The following CNTLN variants were observed in gnomAD, a reference collection of about 807,000 sequenced individuals.
CNTLN encodes the protein centlein.
A neutral mutation model predicts 180.0 loss-of-function variants in CNTLN; 212 were observed. That is an observed-to-expected ratio of 1.18 (90% CI 1.05 to 1.32). CNTLN has a LOEUF of 1.32. CNTLN is among the 40% of genes most tolerant of loss of function. CNTLN has a pLI of 0.00. For missense variants in CNTLN, 2,095 were observed against 1,610.9 expected, an observed-to-expected ratio of 1.30 and a Z score of -5.14; for synonymous variants, 722 against 563.1, an observed-to-expected ratio of 1.28 and a Z score of -3.99.
At chr9:17,433,772 G>C (rs573729108) in intron 18 of CNTLN, among the ~76,000 whole-genome samples, 82 of 152,142 alleles carry the variant, frequency 5.4e-4, no homozygotes, top group Middle Eastern at 3.4e-3. Flanking sequence ...GTAGAGATGG[G>C]ATCTCACTTT....
intron 12 of CNTLN, among the ~76,000 whole-genome samples, chr9:17,356,277 TAATC>T (rs957935908): frequency 4.6e-5 from 7 of 152,166 alleles, no homozygotes; most frequent in Non-Finnish European, 1.0e-4. Flanking sequence ...TTATGATTGA[TAATC>T]AAGCACAAGA....
At chr9:17,243,036 T>C (rs1033529468) in intron 5 of CNTLN, among the ~76,000 whole-genome samples, 3 of 151,954 alleles carry the variant, frequency 2.0e-5, no homozygotes, top group African/African-American at 7.3e-5. Context: ...GTTCAGGTTT[T>C]GGATTTATTC....
rs1831204359 is a variant in CNTLN, at chr9:17,457,562, A to T, written c.3153A>T (p.Lys1051Asn). 6.6e-7 allele frequency: 1 copy of T among 1,523,712 alleles called. No homozygotes were observed. Among genetic ancestry groups the T allele is most frequent in the African/African-American group, 1.4e-5 (1 of 71,392 alleles). 94.4% of individuals were successfully genotyped at this position (1,523,712 alleles called of 1,614,324 possible). Residue 1051 changes from lysine to asparagine, a missense_variant, in exon 19 of 26, where the codon AAA becomes AAT. Coordinates refer to ENST00000380647, the MANE Select transcript of CNTLN (RefSeq NM_017738.4). Reference sequence around the variant, plus strand: ...ATTTGGCTGGGCTTCGGAAAGAAAAAGAAGATTTACTAAAGAAATTGGAGT... The same window carrying T: ...ATTTGGCTGGGCTTCGGAAAGAAAATGAAGATTTACTAAAGAAATTGGAGT... ...NLDLAGLRKE[K>N]EDLLKKLESS...
intron 5 of CNTLN, among the ~76,000 whole-genome samples, chr9:17,255,294 A>C: frequency 6.6e-6 from 1 of 151,758 alleles, no homozygotes; most frequent in Admixed American, 6.6e-5. Flanking sequence ...TTAGTCTTTC[A>C]CTATTGAGTA....
chr9:17,135,236 G>T lies in CNTLN; in HGVS notation c.171G>T (p.Trp57Cys). The change falls in exon 1 of 26, where the codon TGG becomes TGT. Residue 57 changes from tryptophan (W) to cysteine (C), a missense_variant. By Grantham distance (215) the Trp-to-Cys change is radical (BLOSUM62 -2). Transcript: ENST00000380647. Reference protein sequence around the residue: ...EVVADESDKIWVGEEGSGGRR... With the variant: ...EVVADESDKICVGEEGSGGRR... The stretch of plus-strand genomic sequence containing the variant: ...TCGCGGACGAAAGTGATAAAATCTG[G>T]GTGGGTGAAGAAGGGTCAGGGGGCC... The T allele has an allele frequency of 6.2e-7, 1 of 1,609,186 alleles. No homozygotes were observed. The highest frequency in any genetic ancestry group is 8.5e-7 in the Non-Finnish European group (1 of 1,178,188).
intron 5 of CNTLN, among the ~76,000 whole-genome samples, chr9:17,264,906 G>A (rs573259818): frequency 7.6e-4 from 115 of 150,642 alleles, no homozygotes; most frequent in Middle Eastern, 3.4e-3. Flanking sequence ...CTGAGACTTT[G>A]CCGAAGTTGC....
At chr9:17,444,842 G>T (rs1300094050) in intron 18 of CNTLN, among the ~76,000 whole-genome samples, 1 of 152,172 alleles carries the variant, frequency 6.6e-6, no homozygotes, top group Non-Finnish European at 1.5e-5. Context: ...GATGGTAGAA[G>T]TTCCTATGTG....
At chr9:17,444,554 T>C (rs2134066678) in intron 18 of CNTLN, among the ~76,000 whole-genome samples, 1 of 152,212 alleles carries the variant, frequency 6.6e-6, no homozygotes, top group East Asian at 1.9e-4. Flanking sequence ...ATTTCCAAAA[T>C]ACACACACAT....
chr9:17,295,987 AGAGAGAGAGAGTGT>A (rs1171271216), intron 6 of CNTLN, among the ~76,000 whole-genome samples: 2 of 123,800 alleles, frequency 1.6e-5, no homozygotes, highest in African/African-American at 6.5e-5. Flanking sequence ...AGAGAGAGAG[AGAGAGAGAGAGTGT>A]GTGTGTGTGT....
chr9:17,412,498 A>T (rs1827926842), intron 16 of CNTLN, among the ~76,000 whole-genome samples: 1 of 152,180 alleles, frequency 6.6e-6, no homozygotes, highest in African/African-American at 2.4e-5. Context: ...TGTGAAATTG[A>T]TACATGTTTA....
Position 17,409,344 on chromosome 9 carries a change from A to G in CNTLN, c.2667A>G (p.Glu889=), listed in dbSNP as rs1274872128. Reference sequence around the variant, plus strand: ...AAACTTTGGGAACAATTATTGTAGAAACATCCCAGAAAATAAGTCCTACGG... The same window carrying G: ...AAACTTTGGGAACAATTATTGTAGAGACATCCCAGAAAATAAGTCCTACGG... ...TSQTLGTIIV[E]TSQKISPTED... is the part of the protein sequence containing the mutation. The change falls in exon 16 of 26, where the codon GAA becomes GAG. Residue 889 remains glutamate (E), a synonymous_variant. Transcript: ENST00000380647. The G allele has an allele frequency of 8.1e-6, 13 of 1,613,394 alleles. No homozygotes were observed. Among genetic ancestry groups the G allele is most frequent in the Non-Finnish European group, 1.1e-5 (13 of 1,179,724 alleles).
intron 14 of CNTLN, among the ~76,000 whole-genome samples, chr9:17,389,310 C>A (rs1016854676): frequency 2.0e-5 from 3 of 152,044 alleles, no homozygotes; most frequent in African/African-American, 7.2e-5. Flanking sequence ...TATGCACTAC[C>A]AGCTAGGATG....
rs1823270911 is a variant in CNTLN, at chr9:17,211,098, G to C, written c.450-15105G>C. Among the ~76,000 whole-genome samples the C allele has an allele frequency of 2.0e-5, 3 of 152,248 alleles. No homozygotes were observed. The South Asian group carries it at 6.2e-4, about 32-fold the overall frequency. ...GTCAATTTTGGCTTTTGTTGCCATT[G>C]CTTTTGGTGTTTTAGACATGAAGTC... On this transcript the variant is annotated intron_variant, in intron 2 of 25. Coordinates refer to ENST00000380647, the MANE Select transcript of CNTLN (RefSeq NM_017738.4).
chr9:17,470,503 C>G (rs1209958555), intron 23 of CNTLN, among the ~76,000 whole-genome samples: 2 of 151,816 alleles, frequency 1.3e-5, no homozygotes, highest in Admixed American at 6.6e-5. Flanking sequence ...TAGGGCGCAA[C>G]CAGATTATGG....
intron 6 of CNTLN, among the ~76,000 whole-genome samples, chr9:17,288,301 C>T (rs1829126802): frequency 8.6e-6 from 1 of 116,410 alleles, no homozygotes; most frequent in Non-Finnish European, 1.7e-5. Flanking sequence ...GTTCAGTTTC[C>T]ATGTAGTTGA....
chr9:17,338,733 T>G (rs138388819), intron 10 of CNTLN, among the ~76,000 whole-genome samples: 1 of 152,144 alleles, frequency 6.6e-6, no homozygotes, highest in African/African-American at 2.4e-5. Context: ...TATGAAAAAC[T>G]CAAGTTCAAG....
intron 2 of CNTLN, among the ~76,000 whole-genome samples, chr9:17,211,549 G>A (rs1178930985): frequency 6.6e-6 from 1 of 152,010 alleles, no homozygotes; most frequent in Non-Finnish European, 1.5e-5. Flanking sequence ...CTCTTTTTTG[G>A]TTCCATGTGA....
chr9:17,271,719 C>T (rs1395649148), intron 5 of CNTLN, among the ~76,000 whole-genome samples: 1 of 152,114 alleles, frequency 6.6e-6, no homozygotes, highest in Non-Finnish European at 1.5e-5. Context: ...TGCAACTCCA[C>T]AGACACTTAT....
At chr9:17,507,640 T>G (rs1833956515), downstream of CNTLN, among the ~76,000 whole-genome samples, 1 of 152,190 alleles carries the variant, frequency 6.6e-6, no homozygotes, top group African/African-American at 2.4e-5. Context: ...CTTAATATAA[T>G]GGATAAAAAT....
Sources: gnomAD v4.1 joint callset for allele counts (sites outside exome capture counted in the v4.1 genomes callset) on GRCh38, gnomAD v4.1.1 for gene constraint, MANE v1.5 for transcripts, NCBI Gene and HGNC (gene_info 2026-07-23, HGNC 2026-07-21) for gene names.